Variants in KIAA1549L observed in about 807,000 individuals in gnomAD.
KIAA1549L encodes KIAA1549 like.
KIAA1549L carries 88 observed loss-of-function variants against 160.7 expected under a neutral mutation model. That is an observed-to-expected ratio of 0.55 (90% CI 0.46 to 0.65). KIAA1549L has a LOEUF of 0.65. Among genes scored for constraint, KIAA1549L ranks in the 30% least tolerant of loss-of-function variants. The pLI is 0.00. For missense variants in KIAA1549L, 2,258 were observed against 2,437.5 expected, an observed-to-expected ratio of 0.93 and a Z score of 1.55; for synonymous variants, 950 against 976.7, an observed-to-expected ratio of 0.97 and a Z score of 0.51.
intron 1 of KIAA1549L, among the ~76,000 whole-genome samples, chr11:33,469,437 A>C (rs552607701): frequency 3.3e-5 from 5 of 152,132 alleles, no homozygotes; most frequent in Admixed American, 3.3e-4. Flanking sequence ...TGAACATGTG[A>C]ATTTTTTCCA....
intron 1 of KIAA1549L, among the ~76,000 whole-genome samples, chr11:33,518,237 A>C (rs959023544): frequency 6.6e-6 from 1 of 151,862 alleles, no homozygotes; most frequent in African/African-American, 2.4e-5. Context: ...ACTACTGAAA[A>C]AATTTCTTGT....
chr11:33,514,693 C>A (rs750873374), intron 1 of KIAA1549L, among the ~76,000 whole-genome samples: 5 of 152,134 alleles, frequency 3.3e-5, no homozygotes, highest in Non-Finnish European at 7.4e-5. Context: ...AGGAGACAGA[C>A]ACTGATTTTT....
chr11:33,617,133 CAA>C (rs59233344), intron 15 of KIAA1549L, among the ~76,000 whole-genome samples: 38 of 89,496 alleles, frequency 4.2e-4, no homozygotes, highest in Admixed American at 6.3e-4. Flanking sequence ...GAGATTCTAT[CAA>C]AAAAAAAAAA....
chr11:33,378,380 G>A, intron 1 of KIAA1549L, among the ~76,000 whole-genome samples: 1 of 152,028 alleles, frequency 6.6e-6, no homozygotes, highest in East Asian at 1.9e-4. Context: ...TCTGACCTTT[G>A]TACCTTGAGC....
intron 1 of KIAA1549L, among the ~76,000 whole-genome samples, chr11:33,540,557 T>C (rs781398309): frequency 5.3e-5 from 8 of 152,124 alleles, no homozygotes; most frequent in Non-Finnish European, 7.4e-5. Context: ...CTGTGTAAAA[T>C]TGCAAGTGTC....
chr11:33,410,537 C>T (rs1850766377), intron 1 of KIAA1549L, among the ~76,000 whole-genome samples: 1 of 152,230 alleles, frequency 6.6e-6, no homozygotes, highest in South Asian at 2.1e-4. Flanking sequence ...TCTGAACCAC[C>T]TGCCTCAGTC....
chr11:33,395,230 A>G (rs1850349343), intron 1 of KIAA1549L, among the ~76,000 whole-genome samples: 2 of 152,234 alleles, frequency 1.3e-5, no homozygotes, highest in Non-Finnish European at 2.9e-5. Context: ...AGTCTCTGGC[A>G]CACAGTAGGT....
At chr11:33,406,609 C>A (rs1369210697) in intron 1 of KIAA1549L, among the ~76,000 whole-genome samples, 1 of 152,230 alleles carries the variant, frequency 6.6e-6, no homozygotes, top group Non-Finnish European at 1.5e-5. Flanking sequence ...GAGTTGGCAG[C>A]CCCTGAAATT....
intron 20 of KIAA1549L, among the ~76,000 whole-genome samples, chr11:33,667,110 T>A (rs1276349254): frequency 1.3e-5 from 2 of 152,118 alleles, no homozygotes; most frequent in Non-Finnish European, 2.9e-5. Flanking sequence ...GGCAGGAGAA[T>A]CACTCGAGCC....
At chr11:33,418,811 A>T (rs1418006402) in intron 1 of KIAA1549L, among the ~76,000 whole-genome samples, 3 of 151,242 alleles carry the variant, frequency 2.0e-5, no homozygotes, top group Admixed American at 2.0e-4. Context: ...ATTGAAGGAC[A>T]TCCTGTTTCT....
intron 11 of KIAA1549L, among the ~76,000 whole-genome samples, chr11:33,585,389 A>G (rs1272443710): frequency 6.6e-6 from 1 of 152,088 alleles, no homozygotes; most frequent in African/African-American, 2.4e-5. Context: ...GTGGTGGCGC[A>G]CACCTGTAAT....
At chr11:33,475,327 G>T (rs1255227300) in intron 1 of KIAA1549L, among the ~76,000 whole-genome samples, 1 of 152,106 alleles carries the variant, frequency 6.6e-6, no homozygotes, top group Non-Finnish European at 1.5e-5. Context: ...TGTAAATATA[G>T]CCTGTTTCTT....
chr11:33,451,582 A>G (rs1355274095), intron 1 of KIAA1549L, among the ~76,000 whole-genome samples: 1 of 152,150 alleles, frequency 6.6e-6, no homozygotes, highest in Non-Finnish European at 1.5e-5. Context: ...ACTCTGAGTT[A>G]ATTTGTTTGC....
intron 16 of KIAA1549L, among the ~76,000 whole-genome samples, chr11:33,620,849 G>C (rs939115835): frequency 6.6e-6 from 1 of 150,996 alleles, no homozygotes; most frequent in Admixed American, 6.6e-5. Flanking sequence ...AGCAAATAAA[G>C]TAGAAAAAAA....
chr11:33,499,241 A>G (rs566432505), intron 1 of KIAA1549L, among the ~76,000 whole-genome samples: 1 of 152,332 alleles, frequency 6.6e-6, no homozygotes, highest in African/African-American at 2.4e-5. Flanking sequence ...TATCAAGTAA[A>G]TCGCTACCAT....
chr11:33,400,158 C>T (rs908810752), intron 1 of KIAA1549L, among the ~76,000 whole-genome samples: 1 of 152,158 alleles, frequency 6.6e-6, no homozygotes, highest in South Asian at 2.1e-4. Context: ...TTGGTACCTA[C>T]AAATGTGTAG....
At chr11:33,527,195 C>T (rs1045644332) in intron 1 of KIAA1549L, among the ~76,000 whole-genome samples, 8 of 151,862 alleles carry the variant, frequency 5.3e-5, no homozygotes, top group Admixed American at 3.3e-4. Context: ...ATTCGTGTTC[C>T]CAAGAAAGAA....
chr11:33,428,946 C>T (rs945478028), intron 1 of KIAA1549L, among the ~76,000 whole-genome samples: 12 of 151,946 alleles, frequency 7.9e-5, no homozygotes, highest in South Asian at 2.1e-4. Flanking sequence ...ATTTCTCCAC[C>T]CTAGTGGGTG....
intron 1 of KIAA1549L, among the ~76,000 whole-genome samples, chr11:33,497,010 T>C (rs1852836146): frequency 6.6e-6 from 1 of 152,122 alleles, no homozygotes; most frequent in Non-Finnish European, 1.5e-5. Flanking sequence ...AATCTCTTCC[T>C]CAAATCTTCC....
Sources: gnomAD v4.1 joint callset for allele counts (sites outside exome capture counted in the v4.1 genomes callset) on GRCh38, gnomAD v4.1.1 for gene constraint, MANE v1.5 for transcripts, NCBI Gene and HGNC (gene_info 2026-07-23, HGNC 2026-07-21) for gene names.